The following STON2 variants were observed in gnomAD, a reference collection of about 807,000 sequenced individuals.
STON2 encodes the protein stonin-2.
STON2 carries 29 observed loss-of-function variants against 65.7 expected under a neutral mutation model. The ratio of observed to expected loss-of-function variants is 0.44; its 90% confidence interval spans 0.33 to 0.60. The LOEUF (loss-of-function observed/expected upper bound fraction) is 0.60, where lower values mean the gene tolerates loss of function less well. Among genes scored for constraint, STON2 ranks in the 20% least tolerant of loss-of-function variants. The pLI, the probability that STON2 is intolerant of heterozygous loss-of-function variation, is 0.03. For missense variants in STON2, 1,054 were observed against 1,118.1 expected (o/e 0.94, Z 0.82); for synonymous variants, 404 against 414.2 (o/e 0.98, Z 0.30).
chr14:81,293,176 CTT>C (rs537387012), intron 5 of STON2, among the ~76,000 whole-genome samples: 16 of 138,888 alleles, frequency 1.2e-4, no homozygotes, highest in African/African-American at 2.9e-4. Context: ...TGACTTGTGT[CTT>C]TTTTTTTTTT....
chr14:81,433,922 A>C (rs559803378), intron 1 of STON2, among the ~76,000 whole-genome samples: 2 of 152,304 alleles, frequency 1.3e-5, no homozygotes, highest in South Asian at 4.1e-4. Flanking sequence ...CACTTCTCTC[A>C]GTCTGGAATG....
At position 81,261,843 on chromosome 14, in the gene STON2, T is replaced by C. The variant is rs1358288426; in HGVS notation, c.*6571A>G. On this transcript the variant is annotated 3_prime_UTR_variant, in exon 8 of 8. Coordinates refer to ENST00000614646, the MANE Select transcript of STON2 (RefSeq NM_001394390.1). ...TTCCAAAGAAGCATTCCACCTGATC[T>C]TCACCACCCTCTTTGATCCTCTTTT... 1 of 1,534,564 alleles carries C rather than the reference T, an allele frequency of 6.5e-7. No homozygotes were observed. The highest frequency in any genetic ancestry group is 8.7e-7 in the Non-Finnish European group (1 of 1,146,596).
intron 4 of STON2, among the ~76,000 whole-genome samples, chr14:81,339,381 C>G (rs1897503465): frequency 6.6e-6 from 1 of 152,156 alleles, no homozygotes; most frequent in Non-Finnish European, 1.5e-5. Context: ...ACAGGCAGAG[C>G]TGTGCTGCTC....
intron 4 of STON2, chr14:81,333,318 T>C (rs1274022556): frequency 3.1e-6 from 2 of 637,186 alleles, no homozygotes; most frequent in Admixed American, 1.9e-5. Flanking sequence ...AAGTCGTTGG[T>C]TGGTCATGAA....
Position 81,278,466 on chromosome 14 carries a change from G to C in STON2, c.1016C>G (p.Thr339Ser), listed in dbSNP as rs1474699425. ...SFKKRDRPKS[T>S]LMNFSKVQKL... ...CTGAACTTTGGAGAAGTTCATCAAA[G>C]TGCTCTTGGGACGGTCCCTCTTCTT... The change falls in exon 6 of 8, where the codon ACT becomes AGT. Residue 339 changes from threonine to serine, a missense_variant. Thr to Ser is a moderately conservative substitution (Grantham distance 58). Coordinates refer to ENST00000614646, the MANE Select transcript of STON2 (RefSeq NM_001394390.1). 1 of 1,614,216 alleles carries C rather than the reference G, an allele frequency of 6.2e-7. No homozygotes were observed. The highest frequency in any genetic ancestry group is 1.1e-5 in the South Asian group (1 of 91,086).
chr14:81,355,082 T>C (rs1443581005), intron 4 of STON2, among the ~76,000 whole-genome samples: 1 of 151,200 alleles, frequency 6.6e-6, no homozygotes, highest in Admixed American at 6.6e-5. Context: ...TTTGAAATTA[T>C]CCATTCAGAA....
intron 3 of STON2, among the ~76,000 whole-genome samples, chr14:81,384,667 G>A (rs1030749880): frequency 1.3e-5 from 2 of 152,208 alleles, no homozygotes; most frequent in South Asian, 4.1e-4. Context: ...TGACTTGAAC[G>A]TGAGCATAAA....
intron 2 of STON2, among the ~76,000 whole-genome samples, chr14:81,410,759 A>G (rs946674920): frequency 9.2e-5 from 14 of 152,342 alleles, no homozygotes; most frequent in Admixed American, 5.2e-4. Flanking sequence ...CTGATTGTCA[A>G]GGAAATTGGG....
chr14:81,330,692 T>C (rs910432527), intron 4 of STON2, among the ~76,000 whole-genome samples: 1 of 152,196 alleles, frequency 6.6e-6, no homozygotes, highest in African/African-American at 2.4e-5. Context: ...GCACATGATT[T>C]AGCACTTAAT....
In STON2 at chr14:81,265,601, C is replaced by T. The variant is rs901944536; in HGVS notation, c.*2813G>A. ...CAGAGGTTGCAATGAGCCGAGATCA[C>T]GCCATTGCACTCCAGCCTGGGCGAC... is the stretch of plus-strand genomic sequence containing the variant. On this transcript the variant is annotated 3_prime_UTR_variant, in exon 8 of 8. Transcript: ENST00000614646. 137 of 399,490 alleles carry T rather than the reference C, an allele frequency of 3.4e-4. 1 individual carries two copies. The highest frequency in any genetic ancestry group is 7.2e-4 in the Admixed American group (11 of 15,364). The allele number at this position is 399,490 out of a possible 1,614,324, so 24.7% of individuals were successfully genotyped here. A position where few individuals can be genotyped will look rare whatever the true frequency, so the allele number is the denominator to read the frequency against.
chr14:81,285,586 A>T (rs2140141734), intron 5 of STON2, among the ~76,000 whole-genome samples: 1 of 152,300 alleles, frequency 6.6e-6, no homozygotes, highest in Middle Eastern at 3.4e-3. Flanking sequence ...ACTCGGCCTC[A>T]TGATAAAACT....
At chr14:81,431,456 A>G (rs1902221907) in intron 1 of STON2, among the ~76,000 whole-genome samples, 1 of 152,202 alleles carries the variant, frequency 6.6e-6, no homozygotes, top group African/African-American at 2.4e-5. Context: ...TGGCCAACAT[A>G]GTAAAACCTC....
Position 81,396,151 on chromosome 14 carries a change from A to AG in STON2, c.115dup (p.Leu39ProfsTer32). 1.9e-6 allele frequency: 3 copies of AG among 1,613,148 alleles called. No individual in the cohort carries two copies. The highest frequency in any genetic ancestry group is 2.5e-6 in the Non-Finnish European group (3 of 1,179,524). ...CTCGGACTGGTCTGGGGAAGATGAC[A>AG]GTCCTGGGAGGTGCTCTTCCGTGCC... On this transcript the variant is annotated frameshift_variant, in exon 3 of 8. Transcript: ENST00000614646. LOFTEE classifies it high-confidence loss of function.
chr14:81,347,824 G>C lies in STON2; in HGVS notation c.571+23164C>G, dbSNP rs193237722. On this transcript the variant is annotated intron_variant, in intron 4 of 7. Transcript: ENST00000614646. ...CTTTGGAGGCTGAGGCAGGAGGATTGCTTGAGCCCAGGAGTTTGAAACTGT... is the reference window on the plus strand; with the variant it reads ...CTTTGGAGGCTGAGGCAGGAGGATTCCTTGAGCCCAGGAGTTTGAAACTGT... Among the ~76,000 whole-genome samples, 134 of 141,212 alleles carry C rather than the reference G, an allele frequency of 9.5e-4. 3 individuals are homozygous for C. Among genetic ancestry groups the C allele is most frequent in the African/African-American group, 3.4e-3 (127 of 37,612 alleles). The allele number at this position is 141,212 out of a possible 152,430, so 92.6% of individuals were successfully genotyped here.
intron 1 of STON2, among the ~76,000 whole-genome samples, chr14:81,430,339 T>C (rs1595478062): frequency 6.6e-6 from 1 of 152,242 alleles, no homozygotes; most frequent in Admixed American, 6.5e-5. Context: ...ATAATACTTC[T>C]CTGAATTCCT....
chr14:81,330,665 T>C (rs1897179338), intron 4 of STON2, among the ~76,000 whole-genome samples: 1 of 152,202 alleles, frequency 6.6e-6, no homozygotes. Flanking sequence ...CCACACTGCA[T>C]TCCAACACTG....
upstream of STON2, among the ~76,000 whole-genome samples, chr14:81,400,494 A>AAG (rs1199207212): frequency 6.6e-6 from 1 of 151,404 alleles, no homozygotes; most frequent in East Asian, 1.9e-4. Flanking sequence ...AAAAAAAAAA[A>AAG]AAACCCACAA....
chr14:81,399,848 CA>C (rs1218723941), intron 1 of STON2, among the ~76,000 whole-genome samples: 2 of 152,100 alleles, frequency 1.3e-5, no homozygotes, highest in African/African-American at 2.4e-5. Context: ...GAAGAGTTTA[CA>C]AATCTCAGCA....
chr14:81,435,228 A>C (rs1345038204), intron 1 of STON2, among the ~76,000 whole-genome samples: 2 of 152,178 alleles, frequency 1.3e-5, no homozygotes, highest in Non-Finnish European at 2.9e-5. Context: ...AGGACATGCT[A>C]CCTTTAAAGA....
Sources: gnomAD v4.1 joint callset for allele counts (sites outside exome capture counted in the v4.1 genomes callset) on GRCh38, gnomAD v4.1.1 for gene constraint, MANE v1.5 for transcripts, NCBI Gene and HGNC (gene_info 2026-07-23, HGNC 2026-07-21) for gene names.